The following NRXN3 variants were observed in gnomAD, a reference collection of about 807,000 sequenced individuals.
The protein encoded by NRXN3 is neurexin III.
In NRXN3, 32 loss-of-function variants were observed where a neutral mutation model predicts 137.6. The observed-to-expected ratio is 0.23, with a 90% CI of 0.18 to 0.31. The LOEUF (loss-of-function observed/expected upper bound fraction) is 0.31, where lower values mean the gene tolerates loss of function less well. Among genes scored for constraint, NRXN3 ranks in the 10% least tolerant of loss-of-function variants. The pLI is 1.00. For missense variants in NRXN3, 1,574 were observed against 2,062.5 expected, an observed-to-expected ratio of 0.76 and a Z score of 4.59; for synonymous variants, 798 against 784.5, an observed-to-expected ratio of 1.02 and a Z score of -0.29.
chr14:79,019,611 G>C (rs566080346), intron 15 of NRXN3, among the ~76,000 whole-genome samples: 1 of 152,208 alleles, frequency 6.6e-6, no homozygotes, highest in South Asian at 2.1e-4. Flanking sequence ...CAATGCACTT[G>C]ATAGGTACAG....
At chr14:79,429,184 A>G (rs903148203) in intron 15 of NRXN3, among the ~76,000 whole-genome samples, 1 of 152,136 alleles carries the variant, frequency 6.6e-6, no homozygotes, top group African/African-American at 2.4e-5. Context: ...CTCTTCTTGT[A>G]TATGTAAGAT....
chr14:78,530,620 G>T (rs1232617777), intron 4 of NRXN3, among the ~76,000 whole-genome samples: 3 of 152,180 alleles, frequency 2.0e-5, no homozygotes, highest in African/African-American at 7.2e-5. Flanking sequence ...GTAGACAGGA[G>T]TAGGCCCAGT....
chr14:79,269,240 G>A (rs1349194424), intron 15 of NRXN3, among the ~76,000 whole-genome samples: 4 of 151,932 alleles, frequency 2.6e-5, no homozygotes, highest in Non-Finnish European at 4.4e-5. Flanking sequence ...CAGTAGAGAC[G>A]GGGTTTCACC....
intron 1 of NRXN3, among the ~76,000 whole-genome samples, chr14:78,179,732 C>T (rs2059608501): frequency 2.0e-5 from 3 of 151,868 alleles, no homozygotes; most frequent in Non-Finnish European, 2.9e-5. Flanking sequence ...AATTATTCTC[C>T]ACCTTCCTCA....
chr14:79,631,063 ATCGTGTAAAAGTCATCCAT>A (rs2098339372), intron 16 of NRXN3, among the ~76,000 whole-genome samples: 1 of 152,176 alleles, frequency 6.6e-6, no homozygotes, highest in Admixed American at 6.5e-5. Flanking sequence ...AGTCTCCTTT[ATCGTGTAAAAGTCATCCAT>A]TGACTCATTT....
chr14:78,931,913 G>A lies in NRXN3; in HGVS notation c.2276-25329G>A, dbSNP rs146297454. 4.7e-3 allele frequency among the ~76,000 whole-genome samples: 720 copies of A among 152,200 alleles called. 7 individuals are homozygous for A. Among genetic ancestry groups the A allele is most frequent in the African/African-American group, 0.016 (668 of 41,524 alleles). Reference sequence around the variant, plus strand: ...TGTAATCCCATTACTTTGAGAGGCCGAGGCAGGTGGATCACCTGAGATCAG... The same window carrying A: ...TGTAATCCCATTACTTTGAGAGGCCAAGGCAGGTGGATCACCTGAGATCAG... On this transcript the variant is annotated intron_variant, in intron 10 of 20. Transcript: ENST00000335750.
At chr14:79,482,305 T>A (rs1283307940) in intron 16 of NRXN3, among the ~76,000 whole-genome samples, 1 of 152,138 alleles carries the variant, frequency 6.6e-6, no homozygotes, top group African/African-American at 2.4e-5. Context: ...TTAGATCAGG[T>A]CTCTTTCACT....
chr14:79,755,469 T>C (rs1359461916), intron 19 of NRXN3, among the ~76,000 whole-genome samples: 1 of 152,114 alleles, frequency 6.6e-6, no homozygotes. Flanking sequence ...TAAAAGGCTC[T>C]CATTTCTATC....
intron 4 of NRXN3, among the ~76,000 whole-genome samples, chr14:78,367,633 A>C (rs2086173818): frequency 6.6e-6 from 1 of 152,218 alleles, no homozygotes; most frequent in African/African-American, 2.4e-5. Flanking sequence ...GTTCCCTTGG[A>C]ATCAAACCTG....
chr14:78,173,669 AT>A (rs954570511), intron 1 of NRXN3, among the ~76,000 whole-genome samples: 10 of 72,830 alleles, frequency 1.4e-4, no homozygotes, highest in African/African-American at 5.0e-4. Flanking sequence ...AAAAATTCTG[AT>A]TTTGATGGCT....
At chr14:78,329,792 A>G (rs973618713) in intron 4 of NRXN3, among the ~76,000 whole-genome samples, 10 of 152,128 alleles carry the variant, frequency 6.6e-5, no homozygotes, top group Non-Finnish European at 1.3e-4. Flanking sequence ...TCTGCTCTTT[A>G]AATGTTTCTT....
At chr14:79,339,000 T>C (rs2153355420) in intron 15 of NRXN3, among the ~76,000 whole-genome samples, 1 of 152,252 alleles carries the variant, frequency 6.6e-6, no homozygotes, top group South Asian at 2.1e-4. Flanking sequence ...GGGCGACCCA[T>C]TTGGAAAAAT....
At chr14:79,811,007 C>T (rs567078853) in intron 20 of NRXN3, among the ~76,000 whole-genome samples, 2 of 152,284 alleles carry the variant, frequency 1.3e-5, no homozygotes, top group African/African-American at 4.8e-5. Flanking sequence ...GTTTTTATTA[C>T]AAATAAGTCA....
chr14:79,502,467 A>G lies in NRXN3; in HGVS notation c.3444+35065A>G, dbSNP rs117291862. Among the ~76,000 whole-genome samples, 81 of 152,110 alleles carry G rather than the reference A, an allele frequency of 5.3e-4. No homozygotes were observed. In the Middle Eastern group the frequency reaches 0.01, roughly 19 times the overall value. ...AAGAGATTTTTGTTCATAAGAAAAA[A>G]CAAGAGAAACTGGAAGCAGTTCTCA... is the stretch of plus-strand genomic sequence containing the variant. On this transcript the variant is annotated intron_variant, in intron 16 of 20. Coordinates refer to ENST00000335750, the MANE Select transcript of NRXN3 (RefSeq NM_001330195.2).
At chr14:78,417,790 C>G (rs2093225068) in intron 4 of NRXN3, among the ~76,000 whole-genome samples, 1 of 152,160 alleles carries the variant, frequency 6.6e-6, no homozygotes, top group Non-Finnish European at 1.5e-5. Flanking sequence ...GAGTCTCACT[C>G]TTGTCCCCCA....
chr14:79,018,923 G>A (rs1327018439), intron 15 of NRXN3, among the ~76,000 whole-genome samples: 2 of 152,112 alleles, frequency 1.3e-5, no homozygotes, highest in Non-Finnish European at 2.9e-5. Flanking sequence ...CTGTTTCCCT[G>A]CCTTTTCTCT....
chr14:79,230,065 T>C (rs1486870641), intron 15 of NRXN3, among the ~76,000 whole-genome samples: 1 of 152,104 alleles, frequency 6.6e-6, no homozygotes. Flanking sequence ...AGTAACTAAA[T>C]GCAGCAATCT....
At chr14:79,621,544 T>A (rs896551917) in intron 16 of NRXN3, among the ~76,000 whole-genome samples, 22 of 152,196 alleles carry the variant, frequency 1.4e-4, no homozygotes, top group Admixed American at 1.3e-3. Context: ...GACTCTTGAA[T>A]CTGTGTAATT....
chr14:78,951,911 G>A (rs750796145), intron 10 of NRXN3, among the ~76,000 whole-genome samples: 4 of 152,158 alleles, frequency 2.6e-5, no homozygotes, highest in Non-Finnish European at 5.9e-5. Context: ...GTAGTCCATC[G>A]TTGAACTTGT....
Sources: allele counts gnomAD v4.1 joint callset (sites outside exome capture counted in the v4.1 genomes callset), GRCh38; gene constraint gnomAD v4.1.1; transcripts MANE v1.5; gene names NCBI Gene and HGNC (gene_info 2026-07-23, HGNC 2026-07-21).